The following SOX6 variants were observed in gnomAD, a reference collection of about 807,000 sequenced individuals.
SOX6 encodes SRY-box transcription factor 6, also known as transcription factor SOX-6.
SOX6 carries 11 observed loss-of-function variants against 97.8 expected under a neutral mutation model. The ratio of observed to expected loss-of-function variants is 0.11; its 90% CI spans 0.07 to 0.19. The LOEUF (loss-of-function observed/expected upper bound fraction) is 0.19, where lower values mean the gene tolerates loss of function less well. SOX6 is among the 10% of genes least tolerant of loss of function. The pLI is 1.00. For missense variants in SOX6, 810 were observed against 1,039.5 expected (o/e 0.78, Z 3.04); for synonymous variants, 360 against 371.4 (o/e 0.97, Z 0.35).
upstream of SOX6, among the ~76,000 whole-genome samples, chr11:16,479,788 A>G (rs1436074960): frequency 6.6e-6 from 1 of 152,134 alleles, no homozygotes; most frequent in East Asian, 1.9e-4. Flanking sequence ...ACTTTTCTGA[A>G]TGGCACTTTT....
chr11:16,722,241 A>G (rs780455362), intron 2 of SOX6, among the ~76,000 whole-genome samples: 3 of 152,234 alleles, frequency 2.0e-5, no homozygotes, highest in Non-Finnish European at 4.4e-5. Flanking sequence ...GACAACCTAC[A>G]GAATGGGAGA....
At chr11:16,629,673 C>T (rs1023497086) in intron 3 of SOX6, among the ~76,000 whole-genome samples, 2 of 151,956 alleles carry the variant, frequency 1.3e-5, no homozygotes, top group Admixed American at 6.6e-5. Flanking sequence ...GAATTGATAC[C>T]AGCTCTTCTT....
chr11:16,220,220 T>A (rs536321073), intron 4 of SOX6, among the ~76,000 whole-genome samples: 82 of 152,148 alleles, frequency 5.4e-4, no homozygotes, highest in African/African-American at 1.9e-3. Context: ...ATAACCCATT[T>A]TAACAGGAAG....
At chr11:16,583,559 GATGA>G (rs1565186281) in intron 4 of SOX6, among the ~76,000 whole-genome samples, 1 of 134,252 alleles carries the variant, frequency 7.4e-6, no homozygotes, top group Non-Finnish European at 1.6e-5. Flanking sequence ...CTTTTTTATG[GATGA>G]ATAATATTTC....
chr11:16,539,229 G>A (rs1374635433), intron 4 of SOX6, among the ~76,000 whole-genome samples: 2 of 151,816 alleles, frequency 1.3e-5, no homozygotes, highest in African/African-American at 2.4e-5. Flanking sequence ...TAACTACTGG[G>A]TAAATAACGA....
At chr11:16,722,685 C>G (rs1848276529) in intron 2 of SOX6, among the ~76,000 whole-genome samples, 1 of 151,960 alleles carries the variant, frequency 6.6e-6, no homozygotes, top group Non-Finnish European at 1.5e-5. Context: ...AATGACACTT[C>G]TGAAAAGAAA....
At chr11:16,158,865 G>GGTGTGTGT (rs10549567) in intron 6 of SOX6, among the ~76,000 whole-genome samples, 46 of 146,006 alleles carry the variant, frequency 3.2e-4, no homozygotes, top group African/African-American at 1.0e-3. Context: ...TGAAGTTACA[G>GGTGTGTGT]GTGTGTGTGT....
At chr11:16,252,313 C>T (rs1438483261) in intron 3 of SOX6, 1 of 152,262 alleles carries the variant, frequency 6.6e-6, no homozygotes, top group Non-Finnish European at 1.5e-5. Flanking sequence ...GGTCACCCAA[C>T]AGATTGCTGC....
At chr11:16,468,344 T>G (rs1387782950) in intron 1 of SOX6, among the ~76,000 whole-genome samples, 1 of 152,198 alleles carries the variant, frequency 6.6e-6, no homozygotes, top group Non-Finnish European at 1.5e-5. Context: ...TTAATGATAG[T>G]TTGCCTAGTT....
chr11:16,159,605 C>T (rs776960894), intron 6 of SOX6, among the ~76,000 whole-genome samples: 4 of 152,208 alleles, frequency 2.6e-5, no homozygotes, highest in Middle Eastern at 3.4e-3. Flanking sequence ...TATATACCTA[C>T]AGATTTTAGT....
intron 12 of SOX6, among the ~76,000 whole-genome samples, chr11:16,034,469 A>G (rs1855464809): frequency 6.6e-6 from 1 of 152,218 alleles, no homozygotes; most frequent in Admixed American, 6.5e-5. Context: ...GATCTTAGCT[A>G]AAAGTAAACT....
chr11:16,080,932 TA>T (rs1428901721), intron 9 of SOX6, among the ~76,000 whole-genome samples: 1 of 151,828 alleles, frequency 6.6e-6, no homozygotes, highest in African/African-American at 2.4e-5. Flanking sequence ...AAGACTTTTT[TA>T]AAAAAATTAG....
intron 4 of SOX6, among the ~76,000 whole-genome samples, chr11:16,497,094 G>A (rs1372518417): frequency 2.0e-5 from 3 of 152,124 alleles, no homozygotes; most frequent in Non-Finnish European, 2.9e-5. Context: ...CACCTCAAAC[G>A]GCTGGGTACT....
At position 16,227,794 on chromosome 11, in the gene SOX6, T is replaced by C. The variant is rs142951461; in HGVS notation, c.535+6788A>G. ...AAAACTTCAAGTCAAATAATATGTA[T>C]TAGGCCAAACTTCCCTAGGTCTTTA... On this transcript the variant is annotated intron_variant, in intron 4 of 15. Coordinates refer to ENST00000683767, the MANE Select transcript of SOX6 (RefSeq NM_001367873.1). Among the ~76,000 whole-genome samples, 235 of 152,340 alleles carry C rather than the reference T, an allele frequency of 1.5e-3. 1 individual carries two copies. The East Asian group carries it at 0.039, about 25-fold the overall frequency.
At chr11:16,197,817 A>G (rs1451445394) in intron 4 of SOX6, among the ~76,000 whole-genome samples, 2 of 152,262 alleles carry the variant, frequency 1.3e-5, no homozygotes, top group Non-Finnish European at 2.9e-5. Context: ...AATGACCAAG[A>G]GTCTCCTGTC....
chr11:16,060,838 T>G (rs1426687449), intron 9 of SOX6, among the ~76,000 whole-genome samples: 1 of 151,884 alleles, frequency 6.6e-6, no homozygotes, highest in African/African-American at 2.4e-5. Flanking sequence ...TTAAACTTCA[T>G]GTGTAATTAT....
intron 9 of SOX6, among the ~76,000 whole-genome samples, chr11:16,086,726 T>C (rs908285328): frequency 1.3e-5 from 2 of 152,278 alleles, no homozygotes; most frequent in East Asian, 3.9e-4. Context: ...ACTAAACATT[T>C]TCCTAAAGGA....
chr11:16,467,767 C>T (rs1436426362), intron 1 of SOX6, among the ~76,000 whole-genome samples: 1 of 152,092 alleles, frequency 6.6e-6, no homozygotes, highest in African/African-American at 2.4e-5. Flanking sequence ...AAACCCTGCA[C>T]ATGTACCCCT....
chr11:16,014,810 A>G (rs779976356), intron 13 of SOX6, 132 bp downstream of exon 13: 45 of 801,740 alleles, frequency 5.6e-5, no homozygotes, highest in Non-Finnish European at 9.1e-5. Flanking sequence ...TTGAAGAGTG[A>G]CATTTCCTTT....
Sources: allele counts gnomAD v4.1 joint callset (sites outside exome capture counted in the v4.1 genomes callset), GRCh38; gene constraint gnomAD v4.1.1; transcripts MANE v1.5; gene names NCBI Gene and HGNC (gene_info 2026-07-23, HGNC 2026-07-21).